The following FAAH2 variants were observed in gnomAD, a reference collection of about 807,000 sequenced individuals.
FAAH2 encodes the protein fatty-acid amide hydrolase 2.
A neutral mutation model predicts 36.9 loss-of-function variants in FAAH2; 60 were observed. That is an observed-to-expected ratio of 1.63 (90% confidence interval 1.32 to 2.02). The LOEUF (loss-of-function observed/expected upper bound fraction) is 2.02, where lower values mean the gene tolerates loss of function less well. Ranked by LOEUF, FAAH2 falls within the 30% of genes most tolerant of loss-of-function variation. The pLI, the probability that FAAH2 is intolerant of heterozygous loss-of-function variation, is 0.00. For missense variants in FAAH2, 689 were observed against 397.5 expected (o/e 1.73, Z -6.23); for synonymous variants, 214 against 143.8 (o/e 1.49, Z -3.49).
chrX:57,478,037 A>G (rs1228987971), intron 10 of FAAH2, among the ~76,000 whole-genome samples: 1 of 111,852 alleles, frequency 8.9e-6, no homozygotes, highest in African/African-American at 3.3e-5. Flanking sequence ...TGCTATTTCT[A>G]GTTCTAGATC....
chrX:57,144,409 G>T, the FAAH2 span, among the ~76,000 whole-genome samples: 459 of 105,712 alleles, frequency 4.3e-3, 2 homozygotes, highest in African/African-American at 0.015. Flanking sequence ...ATTCTACCCT[G>T]ATCTCTCTAC....
chrX:57,263,524 T>G, the FAAH2 span, among the ~76,000 whole-genome samples: 2 of 112,048 alleles, frequency 1.8e-5, no homozygotes, highest in Admixed American at 9.5e-5. Context: ...TCCTCCAAAT[T>G]AATATACAAA....
At chrX:57,417,874 T>A (rs1020722640) in intron 7 of FAAH2, among the ~76,000 whole-genome samples, 1 of 111,686 alleles carries the variant, frequency 9.0e-6, no homozygotes, top group African/African-American at 3.3e-5. Flanking sequence ...AGATGGGAGT[T>A]TAATCTGTAA....
chrX:57,264,913 T>C, the FAAH2 span, among the ~76,000 whole-genome samples: 1 of 111,753 alleles, frequency 8.9e-6, no homozygotes, highest in South Asian at 3.8e-4. Context: ...TACAGCACCT[T>C]CAATTAAAAT....
chrX:57,216,241 A>C, the FAAH2 span, among the ~76,000 whole-genome samples: 1 of 106,504 alleles, frequency 9.4e-6, no homozygotes, highest in Non-Finnish European at 1.9e-5. Context: ...TATATACTGC[A>C]CCATATATGT....
intron 3 of FAAH2, among the ~76,000 whole-genome samples, chrX:57,323,620 G>A (rs1195099168): frequency 9.1e-6 from 1 of 109,326 alleles, no homozygotes; most frequent in Non-Finnish European, 1.9e-5. Context: ...TCTTTTGGCT[G>A]CATAAATGTC....
the FAAH2 span, among the ~76,000 whole-genome samples, chrX:57,280,632 A>G: frequency 9.2e-6 from 1 of 108,261 alleles, no homozygotes; most frequent in Admixed American, 9.8e-5. Flanking sequence ...GCCACTTTAC[A>G]AGATTATTTG....
intron 7 of FAAH2, among the ~76,000 whole-genome samples, chrX:57,382,421 AC>A (rs1240558618): frequency 9.0e-6 from 1 of 111,541 alleles, no homozygotes; most frequent in Non-Finnish European, 1.9e-5. Context: ...AAATTGAGAG[AC>A]CGCTGGCAAG....
the FAAH2 span, among the ~76,000 whole-genome samples, chrX:57,225,052 C>T: frequency 1.8e-5 from 2 of 111,740 alleles, no homozygotes; most frequent in Non-Finnish European, 3.8e-5. Flanking sequence ...GTTAATCTTG[C>T]TAATGGTCTC....
chrX:57,172,565 ACTTT>A, the FAAH2 span, among the ~76,000 whole-genome samples: 2 of 112,582 alleles, frequency 1.8e-5, no homozygotes, highest in Non-Finnish European at 3.8e-5. Flanking sequence ...AGGGCAAAGG[ACTTT>A]CTGTAACCCG....
intron 7 of FAAH2, among the ~76,000 whole-genome samples, chrX:57,405,648 G>C (rs2055550219): frequency 9.6e-6 from 1 of 104,579 alleles, no homozygotes; most frequent in African/African-American, 3.5e-5. Context: ...GGCCCAAGGG[G>C]GGTTGCCCCA....
chrX:57,380,015 C>T (rs1445384477), intron 6 of FAAH2, among the ~76,000 whole-genome samples: 2 of 110,246 alleles, frequency 1.8e-5, no homozygotes, highest in African/African-American at 3.3e-5. Context: ...TATTTTTGGG[C>T]TACATGAGAT....
intron 2 of FAAH2, among the ~76,000 whole-genome samples, chrX:57,296,268 A>T (rs1602184938): frequency 9.0e-6 from 1 of 111,153 alleles, no homozygotes; most frequent in African/African-American, 3.3e-5. Context: ...CAGAGGAACG[A>T]TCAGGCAGCA....
chrX:57,185,591 G>A, the FAAH2 span, among the ~76,000 whole-genome samples: 1 of 108,993 alleles, frequency 9.2e-6, no homozygotes, highest in Non-Finnish European at 1.9e-5. Flanking sequence ...TGATGAACAT[G>A]CAGGTTTGTT....
intron 1 of FAAH2, among the ~76,000 whole-genome samples, chrX:57,288,057 G>T (rs984282120): frequency 2.7e-5 from 3 of 111,027 alleles, no homozygotes; most frequent in Non-Finnish European, 5.7e-5. Context: ...AAGTAATTGT[G>T]ATTTTGTAAT....
At chrX:57,366,282 G>T (rs752401156) in intron 5 of FAAH2, among the ~76,000 whole-genome samples, 1 of 111,686 alleles carries the variant, frequency 9.0e-6, no homozygotes, top group Non-Finnish European at 1.9e-5. Context: ...TTAGTTGATT[G>T]GCATCATTTT....
At position 57,431,898 on chromosome X, in the gene FAAH2, T is replaced by C. The variant is rs2147114358; in HGVS notation, c.997-20T>C. On this transcript the variant is annotated intron_variant, in intron 7 of 10. Transcript: ENST00000374900. ...CTCTTCTCATCATGTTTGTCTGTTT[T>C]TATATCTTTCTTTTATAAGGTTGTG... The C allele has an allele frequency of 8.4e-7, 1 of 1,186,117 alleles. No homozygotes were observed. The highest frequency in any genetic ancestry group is 1.1e-6 in the Non-Finnish European group (1 of 880,977).
At chrX:57,124,216 A>G in the FAAH2 span, among the ~76,000 whole-genome samples, 3 of 111,528 alleles carry the variant, frequency 2.7e-5, no homozygotes, top group Non-Finnish European at 3.8e-5. Flanking sequence ...TCAGCTTTCT[A>G]CATATGGCTA....
At chrX:57,285,244 G>A (rs2051793326), upstream of FAAH2, among the ~76,000 whole-genome samples, 1 of 111,822 alleles carries the variant, frequency 8.9e-6, no homozygotes, top group Non-Finnish European at 1.9e-5. Context: ...AAGTTCTGCA[G>A]GTGAAAAGAC....
Sources: allele counts gnomAD v4.1 joint callset (sites outside exome capture counted in the v4.1 genomes callset), GRCh38; gene constraint gnomAD v4.1.1; transcripts MANE v1.5; gene names NCBI Gene and HGNC (gene_info 2026-07-23, HGNC 2026-07-21).